Variants in SLC24A2 observed in about 807,000 individuals in gnomAD.
SLC24A2 encodes the protein sodium/potassium/calcium exchanger 2.
SLC24A2 carries 36 observed loss-of-function variants against 62.0 expected under a neutral mutation model. The ratio of observed to expected loss-of-function variants is 0.58; its 90% confidence interval spans 0.44 to 0.77. The LOEUF is 0.77. Ranked by LOEUF, SLC24A2 falls within the 30% of genes least tolerant of loss-of-function variation. The pLI is 0.00. For synonymous variants in SLC24A2, 358 were observed against 294.0 expected, an observed-to-expected ratio of 1.22 and a Z score of -2.23; for missense variants, 846 against 817.9, an observed-to-expected ratio of 1.03 and a Z score of -0.42.
At chr9:19,590,607 T>C (rs1378367070) in intron 5 of SLC24A2, among the ~76,000 whole-genome samples, 1 of 152,142 alleles carries the variant, frequency 6.6e-6, no homozygotes, top group East Asian at 1.9e-4. Flanking sequence ...AGAACCTAGC[T>C]TATTATTTTC....
At chr9:19,918,247 T>C in the SLC24A2 span, among the ~76,000 whole-genome samples, 1 of 152,038 alleles carries the variant, frequency 6.6e-6, no homozygotes, top group Non-Finnish European at 1.5e-5. Flanking sequence ...GGTTGTAGTA[T>C]AGCGTTTATT....
upstream of SLC24A2, among the ~76,000 whole-genome samples, chr9:19,790,036 G>A (rs1046786194): frequency 1.3e-5 from 2 of 152,002 alleles, no homozygotes; most frequent in African/African-American, 4.8e-5. Context: ...GAAGCCTAGG[G>A]AACTTAGAAA....
chr9:20,002,667 A>G, the SLC24A2 span, among the ~76,000 whole-genome samples: 1 of 152,190 alleles, frequency 6.6e-6, no homozygotes, highest in African/African-American at 2.4e-5. Flanking sequence ...TAAATGATGG[A>G]AACTCCAGAC....
At chr9:19,923,367 G>A in the SLC24A2 span, among the ~76,000 whole-genome samples, 2 of 152,164 alleles carry the variant, frequency 1.3e-5, no homozygotes, top group African/African-American at 4.8e-5. Context: ...AGTCTTCATT[G>A]AATTGATAAT....
At chr9:20,193,927 T>C in the SLC24A2 span, among the ~76,000 whole-genome samples, 1 of 152,140 alleles carries the variant, frequency 6.6e-6, no homozygotes, top group African/African-American at 2.4e-5. Context: ...ACTTTCCCTA[T>C]CAGACTTTAA....
the SLC24A2 span, among the ~76,000 whole-genome samples, chr9:20,055,837 C>T: frequency 1.3e-5 from 2 of 151,856 alleles, no homozygotes; most frequent in East Asian, 1.9e-4. Context: ...TGCAGTGAGC[C>T]GAGACGGCAC....
At chr9:19,573,313 G>T in intron 7 of SLC24A2, 38 bp downstream of exon 7, 1 of 1,375,218 alleles carries the variant, frequency 7.3e-7, no homozygotes, top group Non-Finnish European at 1.0e-6. Context: ...TATCAGTTAA[G>T]AACAACAGCC....
the SLC24A2 span, among the ~76,000 whole-genome samples, chr9:20,193,932 C>A: frequency 6.6e-6 from 1 of 152,030 alleles, no homozygotes; most frequent in Non-Finnish European, 1.5e-5. Flanking sequence ...CCCTATCAGA[C>A]TTTAAGATTT....
the SLC24A2 span, among the ~76,000 whole-genome samples, chr9:19,941,973 G>A: frequency 3.3e-5 from 5 of 152,262 alleles, no homozygotes; most frequent in East Asian, 5.8e-4. Flanking sequence ...ATATGAAAAT[G>A]TAGGGATTTT....
chr9:20,100,010 C>A, the SLC24A2 span, among the ~76,000 whole-genome samples: 2 of 151,778 alleles, frequency 1.3e-5, no homozygotes, highest in Admixed American at 6.6e-5. Context: ...TCCTTTTCTT[C>A]TCCTATTCAT....
the SLC24A2 span, among the ~76,000 whole-genome samples, chr9:20,231,480 T>C: frequency 6.6e-6 from 1 of 152,210 alleles, no homozygotes; most frequent in Admixed American, 6.5e-5. Context: ...CTAGGTATTT[T>C]ATTCTCTTTG....
chr9:20,046,615 G>T, the SLC24A2 span, among the ~76,000 whole-genome samples: 1 of 152,188 alleles, frequency 6.6e-6, no homozygotes, highest in African/African-American at 2.4e-5. Context: ...AGTAAAAGGA[G>T]AAAGTGAACA....
At chr9:20,076,563 G>C in the SLC24A2 span, among the ~76,000 whole-genome samples, 1 of 152,138 alleles carries the variant, frequency 6.6e-6, no homozygotes, top group African/African-American at 2.4e-5. Context: ...GATTCAGAAA[G>C]AGTATGGTCT....
chr9:20,098,749 G>C, the SLC24A2 span, among the ~76,000 whole-genome samples: 1 of 152,198 alleles, frequency 6.6e-6, no homozygotes, highest in Non-Finnish European at 1.5e-5. Flanking sequence ...ACTTGTGACT[G>C]TCTCTTTGTA....
At chr9:19,951,053 C>A in the SLC24A2 span, among the ~76,000 whole-genome samples, 3 of 152,176 alleles carry the variant, frequency 2.0e-5, no homozygotes, top group African/African-American at 7.2e-5. Context: ...TTACACATTG[C>A]TGAAGAGCAG....
At chr9:20,122,738 C>T in the SLC24A2 span, among the ~76,000 whole-genome samples, 14 of 152,132 alleles carry the variant, frequency 9.2e-5, no homozygotes, top group Non-Finnish European at 5.9e-5. Flanking sequence ...TAATTTTTGA[C>T]TTATCCCCTC....
intron 2 of SLC24A2, among the ~76,000 whole-genome samples, chr9:19,757,869 C>G (rs1057137211): frequency 6.6e-6 from 1 of 152,026 alleles, no homozygotes. Flanking sequence ...TATTATTACT[C>G]TTGAGAATAG....
At chr9:20,209,408 T>C in the SLC24A2 span, among the ~76,000 whole-genome samples, 1 of 152,240 alleles carries the variant, frequency 6.6e-6, no homozygotes, top group Non-Finnish European at 1.5e-5. Flanking sequence ...TCATAACCTC[T>C]GTGTCCTGTA....
chr9:20,010,763 C>T, the SLC24A2 span, among the ~76,000 whole-genome samples: 1 of 125,364 alleles, frequency 8.0e-6, no homozygotes. Context: ...TCCCCCCTCC[C>T]CCCACCCCAT....
Sources: gnomAD v4.1 joint callset for allele counts (sites outside exome capture counted in the v4.1 genomes callset) on GRCh38, gnomAD v4.1.1 for gene constraint, MANE v1.5 for transcripts, NCBI Gene and HGNC (gene_info 2026-07-23, HGNC 2026-07-21) for gene names.